TSHZ3: variants seen among roughly 807,000 people sequenced by gnomAD.
The protein encoded by TSHZ3 is teashirt zinc finger homeobox 3.
Under a neutral mutation model 64.5 loss-of-function variants are expected in TSHZ3, and 10 were observed. That is an observed-to-expected ratio of 0.16 (90% CI 0.10 to 0.26). The LOEUF is 0.26. Among genes scored for constraint, TSHZ3 ranks in the 10% least tolerant of loss-of-function variants. The pLI is 1.00. For synonymous variants in TSHZ3, 608 were observed against 593.1 expected, an observed-to-expected ratio of 1.03 and a Z score of -0.36; for missense variants, 1,242 against 1,421.7, an observed-to-expected ratio of 0.87 and a Z score of 2.03.
At chr19:31,316,035 G>A (rs975863964) in intron 1 of TSHZ3, among the ~76,000 whole-genome samples, 10 of 152,082 alleles carry the variant, frequency 6.6e-5, no homozygotes, top group African/African-American at 2.4e-4. Flanking sequence ...AATAATTACT[G>A]CTATATAAAA....
intron 3 of TSHZ3, among the ~76,000 whole-genome samples, chr19:31,229,751 T>A (rs1256498642): frequency 6.6e-6 from 1 of 152,186 alleles, no homozygotes; most frequent in African/African-American, 2.4e-5. Flanking sequence ...AATGTCAATG[T>A]GGACAAAAGA....
chr19:31,272,830 G>C (rs939151872), downstream of TSHZ3, among the ~76,000 whole-genome samples: 2 of 152,170 alleles, frequency 1.3e-5, no homozygotes, highest in African/African-American at 4.8e-5. Context: ...GCAAGCCGGG[G>C]CTTGGGCGGG....
chr19:31,152,444 G>C (rs894747904), intron 6 of TSHZ3, among the ~76,000 whole-genome samples: 1 of 152,128 alleles, frequency 6.6e-6, no homozygotes. Context: ...CTTCAGGGGT[G>C]ATTAGAAAAG....
intron 5 of TSHZ3, among the ~76,000 whole-genome samples, chr19:31,161,078 C>A (rs530916247): frequency 1.3e-5 from 2 of 152,066 alleles, no homozygotes; most frequent in African/African-American, 4.8e-5. Flanking sequence ...TATATCTTTG[C>A]GTGCGTGTGT....
intron 5 of TSHZ3, among the ~76,000 whole-genome samples, chr19:31,198,587 G>A (rs1975027187): frequency 6.6e-6 from 1 of 152,116 alleles, no homozygotes; most frequent in South Asian, 2.1e-4. Context: ...CAAGGTTGCA[G>A]GATAAAGGTT....
intron 1 of TSHZ3, among the ~76,000 whole-genome samples, chr19:31,255,723 C>T (rs563209588): frequency 6.6e-5 from 10 of 152,204 alleles, no homozygotes; most frequent in East Asian, 1.9e-4. Context: ...GAGGGGTCTG[C>T]GCATGGGAAT....
chr19:31,286,605 A>C (rs1976468310), intron 1 of TSHZ3, among the ~76,000 whole-genome samples: 1 of 152,190 alleles, frequency 6.6e-6, no homozygotes, highest in East Asian at 1.9e-4. Flanking sequence ...ACCCCTCGGG[A>C]TGAGTCACTG....
At chr19:31,236,804 G>T (rs1975622306) in intron 3 of TSHZ3, among the ~76,000 whole-genome samples, 1 of 152,140 alleles carries the variant, frequency 6.6e-6, no homozygotes, top group Non-Finnish European at 1.5e-5. Flanking sequence ...GGAATGAAGG[G>T]CAAGTAATAG....
At chr19:31,343,255 T>C (rs1917488536) in intron 1 of TSHZ3, among the ~76,000 whole-genome samples, 1 of 152,146 alleles carries the variant, frequency 6.6e-6, no homozygotes, top group Non-Finnish European at 1.5e-5. Flanking sequence ...CCCAAACAAA[T>C]TTAAATTATT....
intron 4 of TSHZ3, among the ~76,000 whole-genome samples, chr19:31,212,351 G>A (rs139384403): frequency 0.013 from 1,971 of 152,078 alleles, 37 homozygotes; most frequent in African/African-American, 0.044. Flanking sequence ...CCAGCTACTC[G>A]GGAGGCTGAG....
chr19:31,305,930 G>A (rs1013096839), intron 1 of TSHZ3, among the ~76,000 whole-genome samples: 6 of 151,960 alleles, frequency 3.9e-5, no homozygotes, highest in African/African-American at 1.5e-4. Flanking sequence ...TAAATATCTT[G>A]TGATGCATCT....
At chr19:31,259,250 A>T (rs1003351863) in intron 1 of TSHZ3, among the ~76,000 whole-genome samples, 10 of 152,188 alleles carry the variant, frequency 6.6e-5, no homozygotes, top group African/African-American at 1.7e-4. Context: ...CTGTTCCTTA[A>T]TTTCACACTT....
chr19:31,196,617 A>G (rs750249227), intron 5 of TSHZ3, among the ~76,000 whole-genome samples: 1 of 152,030 alleles, frequency 6.6e-6, no homozygotes, highest in Non-Finnish European at 1.5e-5. Flanking sequence ...GATTAAAAGT[A>G]AATGGATGGA....
rs184751270 is a variant in TSHZ3, at chr19:31,155,945, A to T, written n.871+411T>A. On this transcript the variant is annotated intron_variant and non_coding_transcript_variant, in intron 6 of 6. Coordinates refer to the TSHZ3 transcript ENST00000651361. ...AAATACTTTGTGACATTTGATGCAC[A>T]ATAAGAATATACCCTGAATAATGAT... 2.0e-5 allele frequency among the ~76,000 whole-genome samples: 3 copies of T among 152,364 alleles called. No individual in the cohort carries two copies. The East Asian group carries it at 5.8e-4, about 29-fold the overall frequency.
intron 1 of TSHZ3, among the ~76,000 whole-genome samples, chr19:31,310,957 C>T (rs931749647): frequency 6.6e-6 from 1 of 152,244 alleles, no homozygotes; most frequent in African/African-American, 2.4e-5. Flanking sequence ...ATTTCAGCCC[C>T]TCACTGGGCC....
At chr19:31,326,001 G>C (rs943791347) in intron 1 of TSHZ3, among the ~76,000 whole-genome samples, 2 of 152,132 alleles carry the variant, frequency 1.3e-5, no homozygotes, top group African/African-American at 4.8e-5. Flanking sequence ...CCATCACCTA[G>C]TTTAAAACTT....
At chr19:31,262,546 A>G (rs1975993279) in intron 1 of TSHZ3, among the ~76,000 whole-genome samples, 1 of 152,114 alleles carries the variant, frequency 6.6e-6, no homozygotes, top group Non-Finnish European at 1.5e-5. Flanking sequence ...TTTTTAAAAA[A>G]TTTGCATTTG....
chr19:31,311,354 T>C (rs1916454729), intron 1 of TSHZ3, among the ~76,000 whole-genome samples: 1 of 152,166 alleles, frequency 6.6e-6, no homozygotes, highest in Non-Finnish European at 1.5e-5. Flanking sequence ...CATTCGTGTC[T>C]GGGGAGGCAG....
chr19:31,264,852 A>G (rs1211240652), intron 1 of TSHZ3, among the ~76,000 whole-genome samples: 1 of 152,166 alleles, frequency 6.6e-6, no homozygotes, highest in Non-Finnish European at 1.5e-5. Flanking sequence ...CAGTCAACGA[A>G]GGTTCCTCTT....
Sources: allele counts gnomAD v4.1 joint callset (sites outside exome capture counted in the v4.1 genomes callset), GRCh38; gene constraint gnomAD v4.1.1; transcripts MANE v1.5; gene names NCBI Gene and HGNC (gene_info 2026-07-23, HGNC 2026-07-21).